EPHA3: variants seen among roughly 807,000 people sequenced by gnomAD.
EPHA3 encodes the protein ephrin type-A receptor 3.
In EPHA3, 42 loss-of-function variants were observed where a neutral mutation model predicts 107.1. The ratio of observed to expected loss-of-function variants is 0.39; its 90% CI spans 0.31 to 0.51. The LOEUF (loss-of-function observed/expected upper bound fraction) is 0.51. Ranked by LOEUF, EPHA3 falls within the 20% of genes least tolerant of loss-of-function variation. The pLI, the probability that EPHA3 is intolerant of heterozygous loss-of-function variation, is 0.78. For synonymous variants in EPHA3, 461 were observed against 424.8 expected (o/e 1.09, Z -1.05); for missense variants, 1,183 against 1,211.2 (o/e 0.98, Z 0.35).
At chr3:89,267,739 G>A (rs1705571964) in intron 3 of EPHA3, among the ~76,000 whole-genome samples, 1 of 151,944 alleles carries the variant, frequency 6.6e-6, no homozygotes, top group Non-Finnish European at 1.5e-5. Context: ...GCTTTGGCTT[G>A]CTTTTTTAAT....
chr3:89,387,913 A>C (rs2107494023), intron 5 of EPHA3, among the ~76,000 whole-genome samples: 1 of 152,264 alleles, frequency 6.6e-6, no homozygotes, highest in Admixed American at 6.5e-5. Context: ...TTTAAAATTC[A>C]ATGATTAAAA....
At chr3:89,289,587 G>A (rs1258584401) in intron 3 of EPHA3, among the ~76,000 whole-genome samples, 2 of 151,972 alleles carry the variant, frequency 1.3e-5, no homozygotes, top group Admixed American at 1.3e-4. Context: ...TATCCTGTCT[G>A]TACACACATA....
At chr3:89,206,075 CTTG>C (rs1365344177) in intron 2 of EPHA3, among the ~76,000 whole-genome samples, 6 of 152,090 alleles carry the variant, frequency 3.9e-5, no homozygotes, top group East Asian at 1.9e-4. Flanking sequence ...GAGTTAGAGA[CTTG>C]TTGTTTTCGC....
intron 10 of EPHA3, among the ~76,000 whole-genome samples, chr3:89,416,570 T>A (rs1270031410): frequency 6.6e-6 from 1 of 151,470 alleles, no homozygotes; most frequent in Admixed American, 6.6e-5. Context: ...TTCAGAGTTG[T>A]AATAACCATA....
chr3:89,116,719 T>TAAAAAA (rs140739470), intron 1 of EPHA3, among the ~76,000 whole-genome samples: 1 of 132,570 alleles, frequency 7.5e-6, no homozygotes. Context: ...ACTGTAACAT[T>TAAAAAA]AAAAAAAAAA....
At chr3:89,193,101 G>A (rs1379108891) in intron 2 of EPHA3, among the ~76,000 whole-genome samples, 2 of 151,962 alleles carry the variant, frequency 1.3e-5, no homozygotes, top group Non-Finnish European at 2.9e-5. Context: ...TAACGTTGTA[G>A]TTTACATAAA....
chr3:89,395,773 C>T (rs1040015431), intron 5 of EPHA3, 64 bp from the exon 6 acceptor site: 26 of 1,582,880 alleles, frequency 1.6e-5, no homozygotes, highest in East Asian at 4.5e-5. Context: ...TGTTCTTATT[C>T]GCCACCCTTT....
intron 3 of EPHA3, among the ~76,000 whole-genome samples, chr3:89,219,263 A>G (rs1416183063): frequency 2.0e-5 from 3 of 151,904 alleles, no homozygotes; most frequent in Non-Finnish European, 4.4e-5. Context: ...TCCCAGGTTC[A>G]AGTGATTCTC....
At chr3:89,287,145 C>T (rs896244454) in intron 3 of EPHA3, among the ~76,000 whole-genome samples, 30 of 152,088 alleles carry the variant, frequency 2.0e-4, no homozygotes, top group African/African-American at 4.6e-4. Context: ...AGAACAATTA[C>T]GAACAGAAAA....
At chr3:89,147,010 A>G (rs1208259132) in intron 2 of EPHA3, among the ~76,000 whole-genome samples, 1 of 151,906 alleles carries the variant, frequency 6.6e-6, no homozygotes, top group Non-Finnish European at 1.5e-5. Context: ...GCAGCCATAG[A>G]AAAAATGAGT....
intron 1 of EPHA3, among the ~76,000 whole-genome samples, chr3:89,111,788 T>C (rs894046696): frequency 3.9e-5 from 6 of 152,120 alleles, no homozygotes; most frequent in Admixed American, 3.9e-4. Flanking sequence ...TAATAATAAT[T>C]TGAGTGGTGA....
Position 89,346,384 on chromosome 3 carries a change from T to C in EPHA3, c.1306+4294T>C, listed in dbSNP as rs1221217852. Among the ~76,000 whole-genome samples the C allele has an allele frequency of 2.8e-5, 4 of 142,470 alleles. No individual in the cohort carries two copies. In the Admixed American group the frequency reaches 2.8e-4, roughly 10 times the overall value. The allele number at this position is 142,470 out of a possible 152,430, so 93.5% of individuals were successfully genotyped here. On this transcript the variant is annotated intron_variant, in intron 5 of 16. Transcript: ENST00000336596. ...TGATGGCCAGTGATGATGAGCATTT[T>C]TTCATGTGTTTTTTGGCTGCATAAA...
intron 2 of EPHA3, among the ~76,000 whole-genome samples, chr3:89,134,890 A>G (rs1010530891): frequency 6.6e-6 from 1 of 152,224 alleles, no homozygotes; most frequent in Non-Finnish European, 1.5e-5. Flanking sequence ...ATCGTCTGAA[A>G]TACATATAAA....
chr3:89,115,751 C>T (rs1707239814), intron 1 of EPHA3, among the ~76,000 whole-genome samples: 1 of 152,092 alleles, frequency 6.6e-6, no homozygotes, highest in Non-Finnish European at 1.5e-5. Context: ...ATTGTTACAA[C>T]TGAGGAAACT....
chr3:89,401,115 A>T (rs528437553), intron 7 of EPHA3, among the ~76,000 whole-genome samples: 11 of 152,348 alleles, frequency 7.2e-5, no homozygotes, highest in African/African-American at 2.4e-4. Context: ...GGATTGACCT[A>T]AAAATATAAG....
chr3:89,274,042 A>G (rs143439590), intron 3 of EPHA3, among the ~76,000 whole-genome samples: 2 of 152,080 alleles, frequency 1.3e-5, no homozygotes, highest in African/African-American at 4.8e-5. Context: ...CTCAGCTGAG[A>G]ACATGCATGT....
chr3:89,430,077 C>T (rs1709537242), intron 12 of EPHA3, among the ~76,000 whole-genome samples: 1 of 152,050 alleles, frequency 6.6e-6, no homozygotes, highest in African/African-American at 2.4e-5. Flanking sequence ...TTTTGACATA[C>T]TATATTTCAC....
intron 2 of EPHA3, among the ~76,000 whole-genome samples, chr3:89,132,623 G>A (rs999972011): frequency 5.9e-5 from 9 of 152,074 alleles, no homozygotes; most frequent in African/African-American, 1.9e-4. Context: ...TAATCCCAGC[G>A]CTTTGAGAGA....
At chr3:89,292,300 T>C (rs1706225431) in intron 3 of EPHA3, among the ~76,000 whole-genome samples, 1 of 152,166 alleles carries the variant, frequency 6.6e-6, no homozygotes, top group Admixed American at 6.6e-5. Context: ...GTATAACTAC[T>C]ATTTCCATAT....
Sources: gnomAD v4.1 joint callset for allele counts (sites outside exome capture counted in the v4.1 genomes callset) on GRCh38, gnomAD v4.1.1 for gene constraint, MANE v1.5 for transcripts, NCBI Gene and HGNC (gene_info 2026-07-23, HGNC 2026-07-21) for gene names.